The following MAP3K15 variants were observed in gnomAD, a reference collection of about 807,000 sequenced individuals.
MAP3K15 encodes MAPK/ERK kinase kinase 15.
Under a neutral mutation model 99.5 loss-of-function variants are expected in MAP3K15, and 124 were observed. The observed-to-expected ratio is 1.25, with a 90% CI of 1.08 to 1.45. MAP3K15 has a LOEUF of 1.45. Among genes scored for constraint, MAP3K15 ranks in the 40% most tolerant of loss-of-function variants. The pLI is 0.00. For missense variants in MAP3K15, 1,242 were observed against 1,079.7 expected, an observed-to-expected ratio of 1.15 and a Z score of -2.11; for synonymous variants, 494 against 439.6, an observed-to-expected ratio of 1.12 and a Z score of -1.55.
At chrX:19,505,798 G>A (rs1278645097) in intron 1 of MAP3K15, among the ~76,000 whole-genome samples, 1 of 105,570 alleles carries the variant, frequency 9.5e-6, no homozygotes, top group Non-Finnish European at 1.9e-5. Context: ...CCGGGCTTGA[G>A]TGCACTGGCA....
intron 7 of MAP3K15, among the ~76,000 whole-genome samples, chrX:19,426,988 C>T (rs938823608): frequency 2.7e-5 from 3 of 109,577 alleles, no homozygotes; most frequent in Admixed American, 2.0e-4. Context: ...CAATTCTAAT[C>T]CTACTCCCAA....
intron 7 of MAP3K15, among the ~76,000 whole-genome samples, chrX:19,430,853 C>T (rs2063875510): frequency 1.8e-5 from 2 of 110,562 alleles, no homozygotes; most frequent in African/African-American, 3.3e-5. Context: ...TATCTTTAGG[C>T]ACCTTCACTG....
intron 5 of MAP3K15, among the ~76,000 whole-genome samples, chrX:19,459,449 C>T (rs2064115768): frequency 2.7e-5 from 3 of 112,385 alleles, no homozygotes; most frequent in Non-Finnish European, 5.6e-5. Context: ...CTCTTCTTGT[C>T]GGAGTGGTCA....
chrX:19,364,319 G>C (rs2063318984), intron 25 of MAP3K15, among the ~76,000 whole-genome samples: 2 of 112,153 alleles, frequency 1.8e-5, no homozygotes, highest in South Asian at 7.3e-4. Context: ...GCCAGCTCAG[G>C]CATAGCATGC....
intron 18 of MAP3K15, among the ~76,000 whole-genome samples, chrX:19,388,144 T>C (rs1346942983): frequency 9.0e-6 from 1 of 111,521 alleles, no homozygotes; most frequent in Admixed American, 9.4e-5. Flanking sequence ...AGAGCGTTGA[T>C]CAGTATCAGC....
chrX:19,382,386 G>T (rs932276944), intron 18 of MAP3K15, among the ~76,000 whole-genome samples: 4 of 111,433 alleles, frequency 3.6e-5, no homozygotes, highest in South Asian at 3.8e-4. Context: ...CAGCTGTGAC[G>T]GATGGAATGT....
At chrX:19,478,285 T>C (rs1569238230) in intron 3 of MAP3K15, among the ~76,000 whole-genome samples, 1 of 98,931 alleles carries the variant, frequency 1.0e-5, no homozygotes, top group African/African-American at 3.8e-5. Context: ...TTCTCCCTAT[T>C]ATGAGATGTA....
chrX:19,453,404 G>A (rs748941741), intron 6 of MAP3K15, among the ~76,000 whole-genome samples: 1 of 109,301 alleles, frequency 9.1e-6, no homozygotes, highest in South Asian at 4.1e-4. Flanking sequence ...GGGGGCTAAG[G>A]CAGCAGAATC....
At chrX:19,382,244 C>CAAA (rs1047109372) in intron 18 of MAP3K15, among the ~76,000 whole-genome samples, 1,094 of 31,475 alleles carry the variant, frequency 0.035, 57 homozygotes, top group African/African-American at 0.11. Flanking sequence ...ACTCAGTCTC[C>CAAA]AAAAAAAAAA....
At chrX:19,453,147 A>T (rs767401696) in intron 6 of MAP3K15, among the ~76,000 whole-genome samples, 21 of 111,556 alleles carry the variant, frequency 1.9e-4, no homozygotes, top group Non-Finnish European at 3.8e-4. Flanking sequence ...ACAGTACTGA[A>T]CTATATGCTT....
At chrX:19,475,649 C>G (rs2064237532) in intron 3 of MAP3K15, among the ~76,000 whole-genome samples, 1 of 111,119 alleles carries the variant, frequency 9.0e-6, no homozygotes, top group African/African-American at 3.3e-5. Context: ...CAAACAGCTT[C>G]CTAGATTCTT....
In MAP3K15 at chrX:19,459,911, A is replaced by G. The variant is rs779542430; in HGVS notation, c.888+74T>C. 3,065 of 845,789 alleles carry G rather than the reference A, an allele frequency of 3.6e-3. 6 individuals carry two copies. Among genetic ancestry groups the G allele is most frequent in the Non-Finnish European group, 4.4e-3 (2,767 of 623,828 alleles). 69.7% of individuals were successfully genotyped at this position (845,789 alleles called of 1,213,427 possible). A position where few individuals can be genotyped will look rare whatever the true frequency, so the allele number is the denominator to read the frequency against. ...CACTTCACCACATACTGAGTATACA[A>G]ATACTTCACAAGACGTTCCTCAAGC... On this transcript the variant is annotated intron_variant, in intron 5 of 28. Coordinates refer to ENST00000338883, the MANE Select transcript of MAP3K15 (RefSeq NM_001001671.4).
rs1343446974 is a variant in MAP3K15, at chrX:19,431,503, G to A, written c.1101C>T (p.Ile367=). 1.7e-6 allele frequency: 2 copies of A among 1,200,292 alleles called. No homozygotes were observed. Among genetic ancestry groups the A allele is most frequent in the African/African-American group, 1.7e-5 (1 of 57,840 alleles). ...GPDMFCLCGR[I]YKDIFLDSDC... The stretch of plus-strand genomic sequence containing the variant: ...CTGAATCCAAGAAGATGTCCTTGTA[G>A]ATCCTCCCACACAGGCAGAACATGT... Residue 367 remains isoleucine, a synonymous_variant, in exon 7 of 29, where the codon ATC becomes ATT. Coordinates refer to ENST00000338883, the MANE Select transcript of MAP3K15 (RefSeq NM_001001671.4).
chrX:19,463,220 T>C (rs1429450196), intron 4 of MAP3K15, among the ~76,000 whole-genome samples: 1 of 112,089 alleles, frequency 8.9e-6, no homozygotes, highest in Admixed American at 9.5e-5. Context: ...AGGTTTCTAA[T>C]CTCCTTTTCC....
At chrX:19,465,300 G>A (rs2064158465) in intron 3 of MAP3K15, among the ~76,000 whole-genome samples, 1 of 111,708 alleles carries the variant, frequency 9.0e-6, no homozygotes, top group African/African-American at 3.3e-5. Context: ...TACAGAAACA[G>A]GTGACGAGTC....
At chrX:19,422,151 A>G (rs1271959504) in intron 9 of MAP3K15, among the ~76,000 whole-genome samples, 7 of 110,118 alleles carry the variant, frequency 6.4e-5, no homozygotes, top group Non-Finnish European at 1.3e-4. Flanking sequence ...CACCAAAAGC[A>G]ATGGCAACAA....
At chrX:19,457,337 C>T (rs1394054080) in intron 5 of MAP3K15, among the ~76,000 whole-genome samples, 9 of 112,133 alleles carry the variant, frequency 8.0e-5, no homozygotes, top group East Asian at 2.8e-4. Flanking sequence ...AGAGGCTGGG[C>T]GTGGTGGCTC....
chrX:19,401,570 T>C (rs1271410938), intron 13 of MAP3K15, among the ~76,000 whole-genome samples: 1 of 111,558 alleles, frequency 9.0e-6, no homozygotes, highest in African/African-American at 3.3e-5. Context: ...AGGGGGACTA[T>C]TGCCTCTCAA....
At chrX:19,455,327 TA>T (rs770508730) in intron 6 of MAP3K15, among the ~76,000 whole-genome samples, 4 of 107,046 alleles carry the variant, frequency 3.7e-5, no homozygotes, top group Non-Finnish European at 7.6e-5. Flanking sequence ...ACCAATTTTC[TA>T]TGTCTTTTTT....
Sources: gnomAD v4.1 joint callset for allele counts (sites outside exome capture counted in the v4.1 genomes callset) on GRCh38, gnomAD v4.1.1 for gene constraint, MANE v1.5 for transcripts, NCBI Gene and HGNC (gene_info 2026-07-23, HGNC 2026-07-21) for gene names.